The following MANBAL variants were observed in gnomAD, a reference collection of about 807,000 sequenced individuals.
MANBAL encodes mannosidase beta like, also known as protein MANBAL.
MANBAL carries 1 observed loss-of-function variant against 6.4 expected under a neutral mutation model. The observed-to-expected ratio is 0.16, with a 90% CI of 0.06 to 0.74. The LOEUF (loss-of-function observed/expected upper bound fraction) is 0.74, where lower values mean the gene tolerates loss of function less well. Ranked by LOEUF, MANBAL falls within the 30% of genes least tolerant of loss-of-function variation. The pLI is 0.78. For missense variants in MANBAL, 100 were observed against 107.8 expected (o/e 0.93, Z 0.32); for synonymous variants, 47 against 45.8 (o/e 1.03, Z -0.10).
chr20:37,302,181 C>A, intron 2 of MANBAL: 2 of 1,510,534 alleles, frequency 1.3e-6, no homozygotes, highest in South Asian at 2.4e-5. Flanking sequence ...GAAAGCAGGT[C>A]GTTTGTCATG....
At chr20:37,294,662 G>T (rs1472348807) in intron 1 of MANBAL, among the ~76,000 whole-genome samples, 1 of 152,146 alleles carries the variant, frequency 6.6e-6, no homozygotes. Context: ...TCTTTCCTCT[G>T]TTGAAATGTC....
chr20:37,311,029 C>T (rs1011840417), intron 2 of MANBAL, among the ~76,000 whole-genome samples: 5 of 152,164 alleles, frequency 3.3e-5, no homozygotes, highest in African/African-American at 4.8e-5. Flanking sequence ...GGGTCACGGC[C>T]GCCTTTGCTT....
intron 2 of MANBAL, among the ~76,000 whole-genome samples, chr20:37,310,995 G>A (rs1006427038): frequency 1.1e-4 from 16 of 152,178 alleles, no homozygotes; most frequent in African/African-American, 3.9e-4. Context: ...CTGTGTGGCT[G>A]GGACCCCAGG....
intron 1 of MANBAL, among the ~76,000 whole-genome samples, chr20:37,298,551 G>A (rs966088679): frequency 1.1e-4 from 16 of 152,028 alleles, no homozygotes; most frequent in African/African-American, 3.9e-4. Context: ...ATGTTTTCAA[G>A]GTTCATTCAT....
At chr20:37,305,635 TCA>T (rs1240547946) in intron 2 of MANBAL, among the ~76,000 whole-genome samples, 1 of 151,952 alleles carries the variant, frequency 6.6e-6, no homozygotes, top group Non-Finnish European at 1.5e-5. Context: ...GAAACAAGGC[TCA>T]CACAAGTAAA....
chr20:37,312,646 T>C (rs2069414129), intron 2 of MANBAL, among the ~76,000 whole-genome samples: 1 of 152,102 alleles, frequency 6.6e-6, no homozygotes, highest in South Asian at 2.1e-4. Context: ...GTGGCTCTTG[T>C]TTTTTAGAGA....
chr20:37,311,504 T>G (rs548746817), intron 2 of MANBAL, among the ~76,000 whole-genome samples: 4 of 152,224 alleles, frequency 2.6e-5, no homozygotes, highest in Admixed American at 2.6e-4. Context: ...TGAGCGAAAC[T>G]TTTTTTGAGT....
Position 37,316,379 on chromosome 20 carries a change from C to T in MANBAL, c.222C>T (p.Asn74=), listed in dbSNP as rs1253376765. Residue 74 remains asparagine (N), a synonymous_variant, in exon 3 of 3, where the codon AAC becomes AAT. Transcript: ENST00000373606. ...CCAAGGCTGCTGTTCCTTCTGTGAA[C>T]AAGAGGCCCAAGAAAGAGACTAAGA... ...RKPKAAVPSV[N]KRPKKETKKK... 6.2e-6 allele frequency: 10 copies of T among 1,613,860 alleles called. No individual in the cohort carries two copies. The highest frequency in any genetic ancestry group is 7.6e-6 in the Non-Finnish European group (9 of 1,179,846).
At chr20:37,294,442 A>G (rs1231194425) in intron 1 of MANBAL, among the ~76,000 whole-genome samples, 1 of 152,228 alleles carries the variant, frequency 6.6e-6, no homozygotes, top group African/African-American at 2.4e-5. Flanking sequence ...TTTTGAAATG[A>G]GTGAGACCAT....
intron 1 of MANBAL, 58 bp downstream of exon 1, chr20:37,289,744 G>A (rs1458631985): frequency 6.6e-6 from 1 of 152,342 alleles, no homozygotes; most frequent in African/African-American, 2.4e-5. Context: ...CCTCGGTGCG[G>A]TGGCCTGGCT....
chr20:37,294,785 A>G (rs971430270), intron 1 of MANBAL, among the ~76,000 whole-genome samples: 15 of 152,192 alleles, frequency 9.9e-5, no homozygotes, highest in African/African-American at 3.6e-4. Flanking sequence ...GTATGTGTGT[A>G]TGTGAGTACT....
At chr20:37,291,232 A>G (rs1175859852) in intron 1 of MANBAL, among the ~76,000 whole-genome samples, 2 of 152,206 alleles carry the variant, frequency 1.3e-5, no homozygotes, top group Non-Finnish European at 2.9e-5. Flanking sequence ...TATCGCAAAG[A>G]TACTTCAGTG....
chr20:37,307,524 AG>A (rs757478827), intron 2 of MANBAL, among the ~76,000 whole-genome samples: 3 of 151,940 alleles, frequency 2.0e-5, no homozygotes, highest in Non-Finnish European at 2.9e-5. Context: ...TGGGAGGCTG[AG>A]GTGGGCGGAT....
intron 1 of MANBAL, among the ~76,000 whole-genome samples, chr20:37,300,358 C>G (rs2069106094): frequency 6.6e-6 from 1 of 152,184 alleles, no homozygotes; most frequent in Non-Finnish European, 1.5e-5. Context: ...CTTCTTATCT[C>G]TTCCACTCCA....
chr20:37,296,105 G>C (rs913371543), intron 1 of MANBAL, among the ~76,000 whole-genome samples: 1 of 152,120 alleles, frequency 6.6e-6, no homozygotes, highest in East Asian at 1.9e-4. Context: ...GCTTTTTATT[G>C]TTAATTAGTT....
At chr20:37,313,721 A>G (rs1040196482) in intron 2 of MANBAL, among the ~76,000 whole-genome samples, 1 of 152,178 alleles carries the variant, frequency 6.6e-6, no homozygotes, top group African/African-American at 2.4e-5. Flanking sequence ...GAATGGTGGC[A>G]TTATAAGGTT....
chr20:37,316,334 T>G lies in MANBAL; in HGVS notation c.177T>G (p.Ser59Arg). 1 of 1,613,748 alleles carries G rather than the reference T, an allele frequency of 6.2e-7. No individual in the cohort carries two copies. The highest frequency in any genetic ancestry group is 8.5e-7 in the Non-Finnish European group (1 of 1,179,858). ...AGGCTGAACCGTCTGAGCCCAGAAG[T>G]GCTGAGGTGACGAGGAAGCCCAAGG... is the stretch of plus-strand genomic sequence containing the variant. Reference protein sequence around the residue: ...EAEAEPSEPRSAEVTRKPKAA... With the variant: ...EAEAEPSEPRRAEVTRKPKAA... Residue 59 changes from serine to arginine, a missense_variant, in exon 3 of 3, where the codon AGT (serine) becomes AGG (arginine). Coordinates refer to ENST00000373606, the MANE Select transcript of MANBAL (RefSeq NM_001003897.2).
At chr20:37,309,137 TC>T (rs771934772) in intron 2 of MANBAL, among the ~76,000 whole-genome samples, 2 of 152,022 alleles carry the variant, frequency 1.3e-5, no homozygotes, top group Non-Finnish European at 2.9e-5. Context: ...TCAAGGGGTC[TC>T]CAGGGCTTCA....
chr20:37,300,538 T>C (rs570401769), intron 1 of MANBAL, among the ~76,000 whole-genome samples: 30 of 152,248 alleles, frequency 2.0e-4, no homozygotes, highest in Non-Finnish European at 4.0e-4. Flanking sequence ...TTTGTCTGTT[T>C]TGCTCATTCT....
Sources: gnomAD v4.1 joint callset for allele counts (sites outside exome capture counted in the v4.1 genomes callset) on GRCh38, gnomAD v4.1.1 for gene constraint, MANE v1.5 for transcripts, NCBI Gene and HGNC (gene_info 2026-07-23, HGNC 2026-07-21) for gene names.